TMEM108: variants seen among roughly 807,000 people sequenced by gnomAD.
The protein encoded by TMEM108 is transmembrane protein 108.
In TMEM108, 12 loss-of-function variants were observed where a neutral mutation model predicts 35.1. The ratio of observed to expected loss-of-function variants is 0.34; its 90% CI spans 0.22 to 0.55. The LOEUF (loss-of-function observed/expected upper bound fraction) is 0.55. TMEM108 is among the 20% of genes least tolerant of loss of function. The pLI is 0.89. For synonymous variants in TMEM108, 287 were observed against 308.6 expected (o/e 0.93, Z 0.73); for missense variants, 680 against 753.3 (o/e 0.90, Z 1.14).
intron 2 of TMEM108, among the ~76,000 whole-genome samples, chr3:133,059,592 G>A (rs1943513242): frequency 6.6e-6 from 1 of 152,242 alleles, no homozygotes; most frequent in South Asian, 2.1e-4. Context: ...TTCAGACCTC[G>A]CATAAATTGG....
chr3:133,083,151 A>C (rs1486394547), intron 2 of TMEM108, among the ~76,000 whole-genome samples: 1 of 151,688 alleles, frequency 6.6e-6, no homozygotes. Flanking sequence ...TTCGCCTCTC[A>C]AGAGACATTA....
intron 2 of TMEM108, among the ~76,000 whole-genome samples, chr3:133,163,953 AT>A: frequency 6.6e-6 from 1 of 152,022 alleles, no homozygotes; most frequent in South Asian, 2.1e-4. Context: ...CAAGTTCCTG[AT>A]TTTCGGTTTT....
In TMEM108 at chr3:133,038,424, G is replaced by C. The variant is rs887986802; in HGVS notation, c.-177G>C. 4 of 152,342 alleles carry C rather than the reference G, an allele frequency of 2.6e-5. No homozygotes were observed. Among genetic ancestry groups the C allele is most frequent in the Non-Finnish European group, 5.9e-5 (4 of 68,102 alleles). The allele number at this position is 152,342 out of a possible 1,614,324, so 9.4% of individuals were successfully genotyped here. On this transcript the variant is annotated 5_prime_UTR_variant, in exon 1 of 6. Transcript: ENST00000321871. ...CTGAGCCGTCGGAGGGAGCCGGAGC[G>C]CTTCTCCCGAGGTAAGCGGCGCTCC...
chr3:133,387,908 CAGT>C (rs1252022149), intron 4 of TMEM108: 1 of 985,294 alleles, frequency 1.0e-6, no homozygotes, highest in Admixed American at 6.1e-5. Context: ...TATAACTGCT[CAGT>C]AGATCAGAGG....
intron 2 of TMEM108, among the ~76,000 whole-genome samples, chr3:133,211,161 A>C (rs554511777): frequency 6.6e-6 from 1 of 152,312 alleles, no homozygotes; most frequent in East Asian, 1.9e-4. Context: ...TCACATGCTG[A>C]AGTGTATTGC....
chr3:133,289,502 T>C (rs1947032383), intron 3 of TMEM108, among the ~76,000 whole-genome samples: 1 of 152,156 alleles, frequency 6.6e-6, no homozygotes, highest in Admixed American at 6.5e-5. Context: ...CCACATTAGA[T>C]CTCACTACCT....
intron 3 of TMEM108, among the ~76,000 whole-genome samples, chr3:133,285,167 A>C (rs1946966844): frequency 6.6e-6 from 1 of 152,228 alleles, no homozygotes. Context: ...TATGGTGGCT[A>C]TTGAGCCCTT....
intron 3 of TMEM108, among the ~76,000 whole-genome samples, chr3:133,317,725 T>C (rs1016919368): frequency 6.6e-6 from 1 of 152,174 alleles, no homozygotes; most frequent in Non-Finnish European, 1.5e-5. Flanking sequence ...CAGATACTAA[T>C]TGAGTACTTT....
At position 133,346,853 on chromosome 3, in the gene TMEM108, G is replaced by T. The variant is rs1321678301; in HGVS notation, c.41-32899G>T. Among the ~76,000 whole-genome samples the T allele has an allele frequency of 6.6e-6, 1 of 152,028 alleles. No individual in the cohort carries two copies. Among genetic ancestry groups the T allele is most frequent in the African/African-American group, 2.4e-5 (1 of 41,430 alleles). On this transcript the variant is annotated intron_variant, in intron 3 of 5. Coordinates refer to ENST00000321871, the MANE Select transcript of TMEM108 (RefSeq NM_023943.4). The surrounding 1 kb of genome is among the most constrained non-coding windows in gnomAD (Gnocchi z 4.0). Reference sequence around the variant, plus strand: ...AGCTCTTTGTCTAGATTCATGTTTTGCATGTGGATGTCCAGTTGTCCTGGC... The same window carrying T: ...AGCTCTTTGTCTAGATTCATGTTTTTCATGTGGATGTCCAGTTGTCCTGGC...
At chr3:133,316,971 G>A (rs2071207497) in intron 3 of TMEM108, among the ~76,000 whole-genome samples, 1 of 152,222 alleles carries the variant, frequency 6.6e-6, no homozygotes, top group Non-Finnish European at 1.5e-5. Flanking sequence ...GTAAGTAAAA[G>A]GGATCTGCAG....
chr3:133,329,191 G>C (rs1016516921), intron 3 of TMEM108, among the ~76,000 whole-genome samples: 1 of 151,988 alleles, frequency 6.6e-6, no homozygotes, highest in Non-Finnish European at 1.5e-5. Context: ...TTCAGTTCAG[G>C]CTTATGGTTT....
chr3:133,377,962 T>C (rs957996809), intron 3 of TMEM108, among the ~76,000 whole-genome samples: 6 of 151,184 alleles, frequency 4.0e-5, no homozygotes, highest in Non-Finnish European at 8.8e-5. Context: ...TGCCTGCTGA[T>C]CTGAGGTGGA....
intron 3 of TMEM108, chr3:133,248,195 C>T (rs553292954): frequency 6.6e-6 from 1 of 151,964 alleles, no homozygotes; most frequent in African/African-American, 2.4e-5. Flanking sequence ...AGGAGACTGA[C>T]GATAACAAGC....
At chr3:133,317,032 G>T (rs982165510) in intron 3 of TMEM108, among the ~76,000 whole-genome samples, 1 of 151,924 alleles carries the variant, frequency 6.6e-6, no homozygotes, top group African/African-American at 2.4e-5. Flanking sequence ...GTGTGGCCAG[G>T]ATGGGAAGGT....
intron 2 of TMEM108, among the ~76,000 whole-genome samples, chr3:133,076,504 A>G (rs1049392655): frequency 3.3e-5 from 5 of 152,160 alleles, no homozygotes; most frequent in African/African-American, 1.2e-4. Flanking sequence ...GGGAGAAGCA[A>G]TTGACTATAA....
chr3:133,372,731 A>G (rs1423290437), intron 3 of TMEM108, among the ~76,000 whole-genome samples: 1 of 152,212 alleles, frequency 6.6e-6, no homozygotes, highest in Non-Finnish European at 1.5e-5. Context: ...GGTCCCAGTT[A>G]GCTCTAAGCA....
At chr3:133,174,060 C>T (rs1289246921) in intron 2 of TMEM108, among the ~76,000 whole-genome samples, 1 of 152,244 alleles carries the variant, frequency 6.6e-6, no homozygotes, top group African/African-American at 2.4e-5. Context: ...GGGTCCTATT[C>T]CCACGGAGCC....
At chr3:133,358,319 G>A (rs1037884739) in intron 3 of TMEM108, among the ~76,000 whole-genome samples, 5 of 151,938 alleles carry the variant, frequency 3.3e-5, no homozygotes, top group African/African-American at 9.7e-5. Flanking sequence ...TTACAAGCGC[G>A]AACCACTACG....
At chr3:133,129,021 C>G (rs992064933) in intron 2 of TMEM108, among the ~76,000 whole-genome samples, 1 of 152,160 alleles carries the variant, frequency 6.6e-6, no homozygotes, top group Non-Finnish European at 1.5e-5. Flanking sequence ...AGATACCTCT[C>G]TGGCATAAAG....
Sources: gnomAD v4.1 joint callset for allele counts (sites outside exome capture counted in the v4.1 genomes callset) on GRCh38, gnomAD v4.1.1 for gene constraint, Gnocchi (gnomAD v3.1) non-coding constraint, MANE v1.5 for transcripts, NCBI Gene and HGNC (gene_info 2026-07-23, HGNC 2026-07-21) for gene names.